The following DNAI4 variants were observed in gnomAD, a reference collection of about 807,000 sequenced individuals.
DNAI4 encodes dynein axonemal intermediate chain 4, also known as WD repeat domain 78.
In DNAI4, 85 loss-of-function variants were observed where a neutral mutation model predicts 105.8. The observed-to-expected ratio is 0.80, with a 90% CI of 0.67 to 0.96. The LOEUF (loss-of-function observed/expected upper bound fraction) is 0.96. DNAI4 is among the 40% of genes least tolerant of loss of function. The probability of loss-of-function intolerance (pLI) is 0.00; values close to 1 mark genes in which losing one functional copy is unlikely to be tolerated. For missense variants in DNAI4, 1,014 were observed against 1,005.6 expected (o/e 1.01, Z -0.11); for synonymous variants, 352 against 331.5 (o/e 1.06, Z -0.67).
Position 66,888,291 on chromosome 1 carries a change from T to C in DNAI4, c.643+2863A>G, listed in dbSNP as rs1018716150. 7.2e-5 allele frequency among the ~76,000 whole-genome samples: 11 copies of C among 152,098 alleles called. 1 individual carries two copies. Among genetic ancestry groups the C allele is most frequent in the South Asian group, 6.2e-4 (3 of 4,824 alleles). On this transcript the variant is annotated intron_variant, in intron 4 of 16. Transcript: ENST00000371026. The stretch of plus-strand genomic sequence containing the variant: ...TAAAAGGCATACCAGATGACTTTAA[T>C]ATGCATTCTAGAGCGAGGAAGCACT...
intron 4 of DNAI4, among the ~76,000 whole-genome samples, chr1:66,879,094 A>C (rs1231053806): frequency 1.3e-5 from 2 of 152,170 alleles, no homozygotes; most frequent in Admixed American, 1.3e-4. Context: ...GGGTTTTAGT[A>C]AAGGCATGGT....
In DNAI4 at chr1:66,832,121, C is replaced by T. The variant is rs539401403; in HGVS notation, c.2013+1464G>A. Among the ~76,000 whole-genome samples the T allele has an allele frequency of 1.2e-4, 19 of 152,214 alleles. No homozygotes were observed. In the South Asian group the frequency reaches 2.9e-3, roughly 23 times the overall value. On this transcript the variant is annotated intron_variant, in intron 13 of 16. Coordinates refer to ENST00000371026, the MANE Select transcript of DNAI4 (RefSeq NM_024763.5). ...CCAATCATTGCCAAATGTTCCCTAA[C>T]GGGAAAATTCTCCCCTCCCTGCCCA...
At chr1:66,839,914 T>C (rs1275114878) in intron 9 of DNAI4, among the ~76,000 whole-genome samples, 1 of 152,190 alleles carries the variant, frequency 6.6e-6, no homozygotes, top group Non-Finnish European at 1.5e-5. Context: ...AGAAAAATAA[T>C]AGTACCTAAT....
intron 7 of DNAI4, among the ~76,000 whole-genome samples, chr1:66,861,042 T>C (rs528159477): frequency 1.3e-4 from 20 of 152,274 alleles, no homozygotes; most frequent in African/African-American, 4.8e-4. Flanking sequence ...TTATTGAAAG[T>C]TAAGATTCAA....
At chr1:66,918,171 G>C (rs1055732555) in intron 1 of DNAI4, among the ~76,000 whole-genome samples, 3 of 152,182 alleles carry the variant, frequency 2.0e-5, no homozygotes, top group African/African-American at 7.2e-5. Flanking sequence ...TTTTCTTGTT[G>C]CATTGTATAG....
At chr1:66,827,940 C>A in intron 13 of DNAI4, 30 bp from the exon 14 acceptor site, 1 of 1,361,898 alleles carries the variant, frequency 7.3e-7, no homozygotes. Flanking sequence ...AATGCATTGG[C>A]TTGTGATACA....
At chr1:66,923,837 A>G (rs1307975247) in intron 1 of DNAI4, among the ~76,000 whole-genome samples, 1 of 152,248 alleles carries the variant, frequency 6.6e-6, no homozygotes, top group African/African-American at 2.4e-5. Context: ...GGGCAGCATT[A>G]CGGGCAGCGC....
chr1:66,907,776 A>T (rs1649369740), intron 1 of DNAI4, among the ~76,000 whole-genome samples: 1 of 152,134 alleles, frequency 6.6e-6, no homozygotes, highest in Admixed American at 6.5e-5. Context: ...CACATAAATG[A>T]TTTTACCTGC....
intron 8 of DNAI4, among the ~76,000 whole-genome samples, chr1:66,846,582 T>C (rs900550423): frequency 6.6e-6 from 1 of 152,196 alleles, no homozygotes; most frequent in Non-Finnish European, 1.5e-5. Flanking sequence ...TCCAAAGCAA[T>C]ATGATAATAC....
intron 13 of DNAI4, among the ~76,000 whole-genome samples, chr1:66,831,152 T>C (rs1373499878): frequency 1.3e-5 from 2 of 151,892 alleles, no homozygotes; most frequent in African/African-American, 4.8e-5. Context: ...ATAATAACCC[T>C]ATATATATTA....
Position 66,847,673 on chromosome 1 carries a change from C to T in DNAI4, c.1102G>A (p.Glu368Lys). The change falls in exon 8 of 17, where the codon GAA (glutamate) becomes AAA (lysine). Residue 368 changes from glutamate to lysine, a missense_variant. By Grantham distance (56) the Glu-to-Lys change is moderately conservative (BLOSUM62 1). Coordinates refer to ENST00000371026, the MANE Select transcript of DNAI4 (RefSeq NM_024763.5). The part of the protein sequence containing the change: ...LPGSTTEKNS[E>K]TSSLMDIENV... The stretch of plus-strand genomic sequence containing the variant: ...TCTATGTCCATTAGAGAACTAGTTT[C>T]ACTATCTACAAAATACAAACATGAT... 2 of 1,599,434 alleles carry T rather than the reference C, an allele frequency of 1.3e-6. No individual in the cohort carries two copies. The highest frequency in any genetic ancestry group is 8.5e-7 in the Non-Finnish European group (1 of 1,172,328).
At chr1:66,831,624 A>G (rs897768678) in intron 13 of DNAI4, among the ~76,000 whole-genome samples, 1 of 152,118 alleles carries the variant, frequency 6.6e-6, no homozygotes, top group African/African-American at 2.4e-5. Context: ...GAACTCCCTC[A>G]ATCTGATTAA....
chr1:66,847,400 CCT>C, intron 8 of DNAI4, 82 bp downstream of exon 8: 1 of 1,351,154 alleles, frequency 7.4e-7, no homozygotes, highest in Non-Finnish European at 1.0e-6. Flanking sequence ...CCCAAGCAAT[CCT>C]CTTCCTCAGC....
chr1:66,892,740 T>C (rs921134842), intron 3 of DNAI4, among the ~76,000 whole-genome samples: 1 of 151,750 alleles, frequency 6.6e-6, no homozygotes. Context: ...ACCCCGTCTC[T>C]ATTAAAAATA....
At chr1:66,818,208 A>C (rs142401539) in intron 16 of DNAI4, among the ~76,000 whole-genome samples, 7 of 152,090 alleles carry the variant, frequency 4.6e-5, no homozygotes, top group African/African-American at 9.6e-5. Flanking sequence ...ATTTAGACTT[A>C]CAATCATGGA....
chr1:66,834,271 G>T (rs1645934151), intron 11 of DNAI4, 123 bp from the exon 12 acceptor site: 1 of 671,662 alleles, frequency 1.5e-6, no homozygotes, highest in Non-Finnish European at 2.2e-6. Context: ...TCCTTTTATT[G>T]TTCAAAAATA....
At chr1:66,865,149 G>A (rs777073483) in intron 6 of DNAI4, among the ~76,000 whole-genome samples, 9 of 152,128 alleles carry the variant, frequency 5.9e-5, no homozygotes, top group South Asian at 2.1e-4. Flanking sequence ...GATGCCAGCC[G>A]TGATGGCTCA....
chr1:66,822,946 T>C (rs1468898961), intron 15 of DNAI4, among the ~76,000 whole-genome samples: 2 of 152,124 alleles, frequency 1.3e-5, no homozygotes, highest in Non-Finnish European at 2.9e-5. Flanking sequence ...TTAGGGTACA[T>C]GTGCACAATG....
chr1:66,872,563 A>G (rs977731194), intron 5 of DNAI4, among the ~76,000 whole-genome samples: 3 of 152,044 alleles, frequency 2.0e-5, no homozygotes, highest in Non-Finnish European at 4.4e-5. Context: ...CAAGTTCAGG[A>G]TTACTATACC....
Sources: allele counts gnomAD v4.1 joint callset (sites outside exome capture counted in the v4.1 genomes callset), GRCh38; gene constraint gnomAD v4.1.1; transcripts MANE v1.5; gene names NCBI Gene and HGNC (gene_info 2026-07-23, HGNC 2026-07-21).